The following PIP4K2A variants were observed in gnomAD, a reference collection of about 807,000 sequenced individuals.
PIP4K2A encodes phosphatidylinositol 5-phosphate 4-kinase type-2 alpha.
In PIP4K2A, 14 loss-of-function variants were observed where a neutral mutation model predicts 42.9. The observed-to-expected ratio is 0.33, with a 90% CI of 0.22 to 0.51. The LOEUF (loss-of-function observed/expected upper bound fraction) is 0.51, where lower values mean the gene tolerates loss of function less well. PIP4K2A is among the 20% of genes least tolerant of loss of function. PIP4K2A has a pLI of 0.97. For synonymous variants in PIP4K2A, 192 were observed against 192.2 expected (o/e 1.00, Z 0.01); for missense variants, 434 against 519.8 (o/e 0.83, Z 1.61).
intron 4 of PIP4K2A, among the ~76,000 whole-genome samples, chr10:22,585,263 CAT>C (rs907242126): frequency 1.2e-4 from 19 of 152,306 alleles, no homozygotes; most frequent in Admixed American, 2.0e-4. Context: ...AAAGAAGTCA[CAT>C]GTTTGCCCTA....
intron 1 of PIP4K2A, among the ~76,000 whole-genome samples, chr10:22,635,805 C>T (rs141397896): frequency 6.6e-6 from 1 of 152,264 alleles, no homozygotes; most frequent in African/African-American, 2.4e-5. Context: ...GACCAAGCAA[C>T]AGGTGCTAGG....
chr10:22,615,611 T>G (rs111875265), intron 1 of PIP4K2A, among the ~76,000 whole-genome samples: 180 of 152,340 alleles, frequency 1.2e-3, no homozygotes, highest in Middle Eastern at 3.4e-3. Context: ...AAGATGAAAG[T>G]GGTTTTTGAG....
chr10:22,707,824 T>C (rs1485801800), intron 1 of PIP4K2A, among the ~76,000 whole-genome samples: 2 of 152,210 alleles, frequency 1.3e-5, no homozygotes, highest in East Asian at 1.9e-4. Context: ...TGGGGTTCCA[T>C]GAACTCCCAA....
intron 1 of PIP4K2A, among the ~76,000 whole-genome samples, chr10:22,643,654 C>A (rs751495818): frequency 6.6e-6 from 1 of 152,132 alleles, no homozygotes; most frequent in Non-Finnish European, 1.5e-5. Context: ...TAACCTAACG[C>A]TGAACCTTTA....
chr10:22,667,544 C>T (rs537273248), intron 1 of PIP4K2A, among the ~76,000 whole-genome samples: 14 of 152,212 alleles, frequency 9.2e-5, no homozygotes, highest in African/African-American at 3.1e-4. Context: ...AATCGATAAT[C>T]GTAAAAACAA....
intron 1 of PIP4K2A, among the ~76,000 whole-genome samples, chr10:22,690,822 G>A (rs1041224459): frequency 5.9e-5 from 9 of 152,168 alleles, no homozygotes; most frequent in Non-Finnish European, 1.3e-4. Context: ...TAATTATTAT[G>A]CAATGCTGCA....
chr10:22,610,508 G>C (rs927626510), intron 1 of PIP4K2A, among the ~76,000 whole-genome samples: 2 of 152,174 alleles, frequency 1.3e-5, no homozygotes, highest in African/African-American at 4.8e-5. Flanking sequence ...ATAGAAGGCA[G>C]GTACGCTGAA....
At chr10:22,672,509 C>T (rs1003347618) in intron 1 of PIP4K2A, among the ~76,000 whole-genome samples, 17 of 152,162 alleles carry the variant, frequency 1.1e-4, no homozygotes, top group African/African-American at 4.1e-4. Flanking sequence ...ACTTGAATGT[C>T]ACAGGTGTAC....
In PIP4K2A at chr10:22,536,140, G is replaced by A. The variant is rs987242132; in HGVS notation, c.*1061C>T. ...AGGGTTTCAGTTAAAGGGATAATTC[G>A]TAACAAAATCCCATTGTTGAAACAA... On this transcript the variant is annotated 3_prime_UTR_variant, in exon 10 of 10. Transcript: ENST00000376573. 6.3e-5 allele frequency: 25 copies of A among 398,436 alleles called. No individual in the cohort carries two copies. Among genetic ancestry groups the A allele is most frequent in the East Asian group, 5.3e-4 (15 of 28,056 alleles). 24.7% of individuals were successfully genotyped at this position (398,436 alleles called of 1,614,324 possible).
At chr10:22,555,634 AG>A (rs778132393) in intron 6 of PIP4K2A, among the ~76,000 whole-genome samples, 11 of 152,220 alleles carry the variant, frequency 7.2e-5, no homozygotes, top group Admixed American at 4.6e-4. Flanking sequence ...CCTATGTAAT[AG>A]GGTTAGTGTG....
chr10:22,555,897 TAA>T (rs11337795), intron 6 of PIP4K2A, among the ~76,000 whole-genome samples: 34,711 of 146,980 alleles, frequency 0.24, 4,604 homozygotes, highest in East Asian at 0.36. Flanking sequence ...CTGATGAGCT[TAA>T]AAAAAAAAAA....
At chr10:22,632,504 G>A (rs1347516483) in intron 1 of PIP4K2A, among the ~76,000 whole-genome samples, 1 of 152,090 alleles carries the variant, frequency 6.6e-6, no homozygotes, top group Non-Finnish European at 1.5e-5. Context: ...GGTGTTAGCT[G>A]GATTTGTCAT....
At chr10:22,591,489 A>G in intron 4 of PIP4K2A, 140 bp downstream of exon 4, 1 of 586,302 alleles carries the variant, frequency 1.7e-6, no homozygotes, top group Non-Finnish European at 2.8e-6. Flanking sequence ...GTAATTTTAG[A>G]ACACAGGGTT....
At chr10:22,540,957 GAACAA>G (rs954442510) in intron 8 of PIP4K2A, among the ~76,000 whole-genome samples, 16 of 152,140 alleles carry the variant, frequency 1.1e-4, no homozygotes, top group African/African-American at 2.7e-4. Flanking sequence ...GAGCAAAACA[GAACAA>G]AACAGAACTC....
intron 1 of PIP4K2A, among the ~76,000 whole-genome samples, chr10:22,696,782 T>G (rs902074646): frequency 1.3e-5 from 2 of 152,186 alleles, no homozygotes; most frequent in Admixed American, 1.3e-4. Context: ...AATTCTCTAT[T>G]AGGTAATCAT....
intron 1 of PIP4K2A, among the ~76,000 whole-genome samples, chr10:22,702,353 A>G (rs1029512804): frequency 1.3e-5 from 2 of 152,196 alleles, no homozygotes; most frequent in Non-Finnish European, 2.9e-5. Flanking sequence ...GAATACTACA[A>G]TTTTTAGAGG....
intron 1 of PIP4K2A, among the ~76,000 whole-genome samples, chr10:22,712,379 A>T (rs1335957614): frequency 6.6e-6 from 1 of 152,210 alleles, no homozygotes; most frequent in African/African-American, 2.4e-5. Flanking sequence ...TATTGTTGAC[A>T]CTACCTTACT....
chr10:22,537,650 G>C (rs548341727), intron 9 of PIP4K2A, among the ~76,000 whole-genome samples: 1 of 152,310 alleles, frequency 6.6e-6, no homozygotes, highest in Non-Finnish European at 1.5e-5. Context: ...TTTCAAGAAG[G>C]CAGACTGGAG....
intron 1 of PIP4K2A, among the ~76,000 whole-genome samples, chr10:22,612,354 A>T (rs2130716975): frequency 6.6e-6 from 1 of 152,352 alleles, no homozygotes; most frequent in South Asian, 2.1e-4. Context: ...GGCCCAGGCC[A>T]GATGGGGGAG....
Sources: gnomAD v4.1 joint callset for allele counts (sites outside exome capture counted in the v4.1 genomes callset) on GRCh38, gnomAD v4.1.1 for gene constraint, MANE v1.5 for transcripts, NCBI Gene and HGNC (gene_info 2026-07-23, HGNC 2026-07-21) for gene names.